Variants in CNST observed in about 807,000 individuals in gnomAD.
The protein encoded by CNST is consortin, connexin sorting protein, also known as consortin.
CNST carries 39 observed loss-of-function variants against 72.4 expected under a neutral mutation model. The ratio of observed to expected loss-of-function variants is 0.54; its 90% CI spans 0.42 to 0.70. The LOEUF is 0.70. Among genes scored for constraint, CNST ranks in the 30% least tolerant of loss-of-function variants. The pLI is 0.00. For missense variants in CNST, 871 were observed against 868.5 expected, an observed-to-expected ratio of 1.00 and a Z score of -0.04; for synonymous variants, 332 against 320.1, an observed-to-expected ratio of 1.04 and a Z score of -0.40.
chr1:246,644,889 T>G (rs1181682208), intron 8 of CNST, among the ~76,000 whole-genome samples: 1 of 152,234 alleles, frequency 6.6e-6, no homozygotes, highest in East Asian at 1.9e-4. Flanking sequence ...GCTCTAACCT[T>G]GCCCCATTTT....
At chr1:246,640,594 A>AAAG (rs562892480) in intron 6 of CNST, among the ~76,000 whole-genome samples, 57 of 152,346 alleles carry the variant, frequency 3.7e-4, no homozygotes, top group South Asian at 8.3e-4. Flanking sequence ...TTCTCAATAC[A>AAAG]AAGGCTAAAA....
At chr1:246,648,598 AG>A (rs1484965868) in intron 9 of CNST, among the ~76,000 whole-genome samples, 1 of 152,174 alleles carries the variant, frequency 6.6e-6, no homozygotes, top group Non-Finnish European at 1.5e-5. Flanking sequence ...ACAAAAAAAA[AG>A]TTTGGAAAAA....
chr1:246,616,029 C>A (rs1357501371), intron 2 of CNST, among the ~76,000 whole-genome samples: 1 of 152,130 alleles, frequency 6.6e-6, no homozygotes, highest in Admixed American at 6.5e-5. Flanking sequence ...AATAGCATCA[C>A]CAAGTTATTT....
At chr1:246,575,888 A>T (rs1279920190) in intron 1 of CNST, among the ~76,000 whole-genome samples, 1 of 152,156 alleles carries the variant, frequency 6.6e-6, no homozygotes, top group African/African-American at 2.4e-5. Context: ...ATATAAGCTT[A>T]TTCAAGAACA....
intron 2 of CNST, among the ~76,000 whole-genome samples, chr1:246,602,857 T>C (rs1406089176): frequency 6.6e-6 from 1 of 151,764 alleles, no homozygotes; most frequent in Non-Finnish European, 1.5e-5. Context: ...GGATATATGA[T>C]GGTACAGACA....
chr1:246,574,166 G>C lies in CNST; in HGVS notation c.-52+7503G>C, dbSNP rs192445995. ...ACGCCATTCTCCCGCCTCAGCCTCC[G>C]GAGTGGCTGGGACTACAGGCACCCG... On this transcript the variant is annotated intron_variant, in intron 1 of 10. Coordinates refer to ENST00000366513, the MANE Select transcript of CNST (RefSeq NM_152609.3). Among the ~76,000 whole-genome samples the C allele has an allele frequency of 4.4e-3, 662 of 151,996 alleles. 3 individuals are homozygous for C. Among genetic ancestry groups the C allele is most frequent in the African/African-American group, 0.015 (635 of 41,464 alleles).
intron 2 of CNST, among the ~76,000 whole-genome samples, chr1:246,592,749 A>ATT (rs980294989): frequency 1.1e-4 from 17 of 152,344 alleles, no homozygotes; most frequent in African/African-American, 3.8e-4. Context: ...TTAATGTACA[A>ATT]TTTAATATGT....
At chr1:246,584,118 T>G (rs1456431212) in intron 1 of CNST, among the ~76,000 whole-genome samples, 1 of 151,956 alleles carries the variant, frequency 6.6e-6, no homozygotes, top group Non-Finnish European at 1.5e-5. Flanking sequence ...TATTTTAGAG[T>G]GTCTGTAGAG....
intron 9 of CNST, among the ~76,000 whole-genome samples, chr1:246,656,194 C>T (rs1468226705): frequency 6.6e-6 from 1 of 151,890 alleles, no homozygotes; most frequent in Non-Finnish European, 1.5e-5. Flanking sequence ...GACTTGGTAT[C>T]TGTTTTCTTC....
chr1:246,632,391 A>T (rs1239489163), intron 4 of CNST: 55 of 218,746 alleles, frequency 2.5e-4, no homozygotes, highest in Admixed American at 5.3e-5. Context: ...GTCCTGGACT[A>T]GACAGCCCAG....
At chr1:246,593,930 T>G (rs1207785846) in intron 2 of CNST, among the ~76,000 whole-genome samples, 2 of 152,068 alleles carry the variant, frequency 1.3e-5, no homozygotes, top group Non-Finnish European at 2.9e-5. Context: ...GCCTGACTAA[T>G]TTTTCTTTTC....
intron 1 of CNST, among the ~76,000 whole-genome samples, chr1:246,570,974 T>C (rs191625656): frequency 4.6e-5 from 7 of 152,322 alleles, no homozygotes; most frequent in African/African-American, 1.7e-4. Context: ...GCCTTCAAGA[T>C]TCACATGAAT....
In CNST at chr1:246,626,603, C is replaced by T. The variant is rs61548166; in HGVS notation, c.585+4969C>T. ...CCACAAGTAGCTGGGATTACAGGCA[C>T]GTGCCACCACACCTGGCTAATTTTT... On this transcript the variant is annotated intron_variant, in intron 3 of 10. Coordinates refer to ENST00000366513, the MANE Select transcript of CNST (RefSeq NM_152609.3). 2.9e-3 allele frequency among the ~76,000 whole-genome samples: 435 copies of T among 151,630 alleles called. 2 individuals carry two copies. Among genetic ancestry groups the T allele is most frequent in the African/African-American group, 0.01 (417 of 41,330 alleles).
chr1:246,608,179 T>A (rs1201723270), intron 2 of CNST: 2 of 145,846 alleles, frequency 1.4e-5, no homozygotes, highest in African/African-American at 2.8e-5. Flanking sequence ...AAATAAATAA[T>A]AAATAAATAA....
intron 1 of CNST, among the ~76,000 whole-genome samples, chr1:246,575,343 A>G (rs1660336706): frequency 1.3e-5 from 2 of 152,362 alleles, no homozygotes; most frequent in African/African-American, 4.8e-5. Flanking sequence ...GAATAGATAA[A>G]TAAAAGGTGG....
Position 246,577,637 on chromosome 1 carries a change from G to T in CNST, c.-52+10974G>T, listed in dbSNP as rs555364325. Among the ~76,000 whole-genome samples the T allele has an allele frequency of 4.3e-3, 650 of 152,164 alleles. 14 individuals carry two copies. The highest frequency in any genetic ancestry group is 0.015 in the African/African-American group (618 of 41,424). On this transcript the variant is annotated intron_variant, in intron 1 of 10. Coordinates refer to ENST00000366513, the MANE Select transcript of CNST (RefSeq NM_152609.3). ...TCATTTTGCCTTTTTAATGGGCATAGAATTCTCTTTCATGTTTTTCTGTAG... is the reference window on the plus strand; with the variant it reads ...TCATTTTGCCTTTTTAATGGGCATATAATTCTCTTTCATGTTTTTCTGTAG...
chr1:246,574,696 T>C (rs1660284525), intron 1 of CNST, among the ~76,000 whole-genome samples: 1 of 151,974 alleles, frequency 6.6e-6, no homozygotes, highest in African/African-American at 2.4e-5. Context: ...CAAAGCACAA[T>C]ACGTGTATTT....
chr1:246,637,576 G>A (rs184757825), intron 6 of CNST, among the ~76,000 whole-genome samples: 8 of 152,334 alleles, frequency 5.3e-5, no homozygotes, highest in African/African-American at 1.7e-4. Context: ...AGGGTGTAAG[G>A]GAGATTTCTC....
intron 9 of CNST, among the ~76,000 whole-genome samples, chr1:246,649,877 A>G (rs1572239836): frequency 1.3e-5 from 2 of 150,540 alleles, no homozygotes; most frequent in Admixed American, 1.3e-4. Context: ...AGTTTTGGTA[A>G]CCTTTATCTT....
Sources: allele counts gnomAD v4.1 joint callset (sites outside exome capture counted in the v4.1 genomes callset), GRCh38; gene constraint gnomAD v4.1.1; transcripts MANE v1.5; gene names NCBI Gene and HGNC (gene_info 2026-07-23, HGNC 2026-07-21).